Variants in KCNIP1 observed in about 807,000 individuals in gnomAD.
KCNIP1 encodes A-type potassium channel modulatory protein KCNIP1.
In KCNIP1, 18 loss-of-function variants were observed where a neutral mutation model predicts 33.0. The ratio of observed to expected loss-of-function variants is 0.55; its 90% CI spans 0.38 to 0.81. The LOEUF (loss-of-function observed/expected upper bound fraction) is 0.81. KCNIP1 is among the 30% of genes least tolerant of loss of function. The probability of loss-of-function intolerance (pLI) is 0.00; values close to 1 mark genes in which losing one functional copy is unlikely to be tolerated. For missense variants in KCNIP1, 238 were observed against 271.6 expected (o/e 0.88, Z 0.87); for synonymous variants, 93 against 98.3 (o/e 0.95, Z 0.32).
intron 1 of KCNIP1, among the ~76,000 whole-genome samples, chr5:170,708,058 T>G (rs970723285): frequency 6.6e-6 from 1 of 152,124 alleles, no homozygotes; most frequent in African/African-American, 2.4e-5. Flanking sequence ...TGATGAGTTG[T>G]GTGCACTGTG....
At chr5:170,686,661 CT>C (rs1762545758) in intron 1 of KCNIP1, among the ~76,000 whole-genome samples, 1 of 152,208 alleles carries the variant, frequency 6.6e-6, no homozygotes, top group Non-Finnish European at 1.5e-5. Flanking sequence ...CTGTGAGTGT[CT>C]GAAAACTGGC....
At chr5:170,419,431 T>C (rs1186493452) in intron 1 of KCNIP1, among the ~76,000 whole-genome samples, 1 of 152,162 alleles carries the variant, frequency 6.6e-6, no homozygotes, top group Non-Finnish European at 1.5e-5. Flanking sequence ...ACTCTACCCA[T>C]GGAAGAAGGA....
At chr5:170,585,619 G>A (rs948639921) in intron 1 of KCNIP1, among the ~76,000 whole-genome samples, 15 of 151,868 alleles carry the variant, frequency 9.9e-5, no homozygotes, top group South Asian at 4.2e-4. Context: ...CCCCCGCCCC[G>A]GAAATGGTTC....
chr5:170,518,732 G>T lies in KCNIP1; in HGVS notation c.61+14099G>T, dbSNP rs530156295. On this transcript the variant is annotated intron_variant, in intron 1 of 7. Transcript: ENST00000328939. ...CTGGAAGCCCCCGGATGTCAGCTTG[G>T]CCTGGCCCTTGTACCCACCACTTTG... is the stretch of plus-strand genomic sequence containing the variant. Among the ~76,000 whole-genome samples, 145 of 152,286 alleles carry T rather than the reference G, an allele frequency of 9.5e-4. 1 individual carries two copies. Among genetic ancestry groups the T allele is most frequent in the African/African-American group, 3.3e-3 (137 of 41,562 alleles).
intron 1 of KCNIP1, among the ~76,000 whole-genome samples, chr5:170,394,652 G>A (rs1754709138): frequency 1.3e-5 from 2 of 152,250 alleles, no homozygotes; most frequent in South Asian, 4.1e-4. Context: ...TGTTGTGAGG[G>A]TGTAATGCGT....
At chr5:170,589,719 T>C (rs1437884706) in intron 1 of KCNIP1, among the ~76,000 whole-genome samples, 1 of 121,608 alleles carries the variant, frequency 8.2e-6, no homozygotes. Context: ...TTTGGTGTGG[T>C]GTGATGTGGT....
intron 1 of KCNIP1, among the ~76,000 whole-genome samples, chr5:170,399,851 G>T (rs1362074395): frequency 6.6e-6 from 1 of 152,164 alleles, no homozygotes; most frequent in Non-Finnish European, 1.5e-5. Flanking sequence ...CTCCAGTGAT[G>T]ATCTGTTCAT....
At chr5:170,415,575 A>T (rs181664167) in intron 1 of KCNIP1, among the ~76,000 whole-genome samples, 1 of 152,212 alleles carries the variant, frequency 6.6e-6, no homozygotes, top group East Asian at 1.9e-4. Flanking sequence ...AAGGAACATC[A>T]AGTCTGCAAC....
At chr5:170,449,469 C>T (rs1756194638) in intron 1 of KCNIP1, among the ~76,000 whole-genome samples, 1 of 152,180 alleles carries the variant, frequency 6.6e-6, no homozygotes, top group African/African-American at 2.4e-5. Context: ...CCAAGGAGTC[C>T]AGAGGAAAAT....
At chr5:170,460,686 T>C (rs1384530998) in intron 1 of KCNIP1, among the ~76,000 whole-genome samples, 1 of 152,158 alleles carries the variant, frequency 6.6e-6, no homozygotes, top group African/African-American at 2.4e-5. Context: ...ACAAGGGACA[T>C]ACCTCAGTGT....
intron 1 of KCNIP1, among the ~76,000 whole-genome samples, chr5:170,643,223 A>G (rs1256212807): frequency 6.6e-6 from 1 of 152,270 alleles, no homozygotes; most frequent in Non-Finnish European, 1.5e-5. Flanking sequence ...GGAAGCCAGA[A>G]AAAGGCCAGG....
At chr5:170,378,992 G>A (rs779144526) in intron 1 of KCNIP1, 6 of 1,608,380 alleles carry the variant, frequency 3.7e-6, no homozygotes, top group Admixed American at 1.7e-5. Flanking sequence ...AGAAACAAGA[G>A]CAGCTGTGGG....
chr5:170,548,676 A>G (rs994440368), intron 1 of KCNIP1, among the ~76,000 whole-genome samples: 5 of 152,110 alleles, frequency 3.3e-5, no homozygotes, highest in African/African-American at 1.2e-4. Flanking sequence ...CTTCTCATTC[A>G]CCTTTGTATT....
At chr5:170,437,279 C>G (rs1297454511) in intron 1 of KCNIP1, among the ~76,000 whole-genome samples, 1 of 152,164 alleles carries the variant, frequency 6.6e-6, no homozygotes, top group Non-Finnish European at 1.5e-5. Flanking sequence ...CTTTTATGGC[C>G]TGCTTCAGGG....
intron 1 of KCNIP1, among the ~76,000 whole-genome samples, chr5:170,520,888 G>A (rs1287060287): frequency 1.3e-5 from 2 of 152,150 alleles, no homozygotes; most frequent in Non-Finnish European, 2.9e-5. Context: ...TGCCTTTCTC[G>A]GGCGTGTGGC....
At chr5:170,707,686 T>A (rs1412882591) in intron 1 of KCNIP1, among the ~76,000 whole-genome samples, 1 of 152,200 alleles carries the variant, frequency 6.6e-6, no homozygotes, top group Non-Finnish European at 1.5e-5. Flanking sequence ...CATACCCATT[T>A]GGAGAGAAAG....
intron 1 of KCNIP1, chr5:170,669,467 G>A (rs1337093491): frequency 1.1e-6 from 1 of 936,126 alleles, no homozygotes; most frequent in Non-Finnish European, 1.3e-6. Flanking sequence ...TAATAGAGTG[G>A]TATTTAATAA....
chr5:170,577,233 G>T (rs911632886), intron 1 of KCNIP1, among the ~76,000 whole-genome samples: 1 of 152,178 alleles, frequency 6.6e-6, no homozygotes, highest in African/African-American at 2.4e-5. Flanking sequence ...CAAGCATATT[G>T]CTCCCAGCAG....
intron 1 of KCNIP1, among the ~76,000 whole-genome samples, chr5:170,522,264 A>C (rs1388605522): frequency 6.6e-6 from 1 of 152,364 alleles, no homozygotes; most frequent in Admixed American, 6.5e-5. Flanking sequence ...TCCTGATGTC[A>C]GCTGCTTCCC....
Sources: allele counts gnomAD v4.1 joint callset (sites outside exome capture counted in the v4.1 genomes callset), GRCh38; gene constraint gnomAD v4.1.1; transcripts MANE v1.5; gene names NCBI Gene and HGNC (gene_info 2026-07-23, HGNC 2026-07-21).